PKN2: variants seen among roughly 807,000 people sequenced by gnomAD.
PKN2 encodes protein kinase N2.
A neutral mutation model predicts 119.1 loss-of-function variants in PKN2; 38 were observed. The ratio of observed to expected loss-of-function variants is 0.32; its 90% CI spans 0.25 to 0.42. The LOEUF is 0.42. PKN2 is among the 10% of genes least tolerant of loss of function. The pLI is 1.00. For missense variants in PKN2, 850 were observed against 1,165.1 expected, an observed-to-expected ratio of 0.73 and a Z score of 3.94; for synonymous variants, 390 against 384.9, an observed-to-expected ratio of 1.01 and a Z score of -0.15.
At chr1:88,820,273 G>A (rs1214892269) in intron 16 of PKN2, among the ~76,000 whole-genome samples, 9 of 137,468 alleles carry the variant, frequency 6.5e-5, no homozygotes, top group African/African-American at 2.6e-4. Flanking sequence ...CATGGCTCAT[G>A]CCTGTAATCC....
intron 6 of PKN2, among the ~76,000 whole-genome samples, chr1:88,784,366 A>T (rs919858499): frequency 2.0e-5 from 3 of 151,768 alleles, no homozygotes; most frequent in Non-Finnish European, 4.4e-5. Context: ...CAGGCAATCC[A>T]CCCAAAGTGC....
intron 15 of PKN2, 125 bp from the exon 16 acceptor site, chr1:88,813,432 C>A (rs1671858598): frequency 1.6e-6 from 1 of 623,274 alleles, no homozygotes; most frequent in Non-Finnish European, 2.7e-6. Context: ...AACTAAGACA[C>A]ATGTTAGGAT....
At chr1:88,736,216 CCT>C (rs776558404) in intron 1 of PKN2, among the ~76,000 whole-genome samples, 118 of 152,226 alleles carry the variant, frequency 7.8e-4, no homozygotes, top group Non-Finnish European at 5.6e-4. Flanking sequence ...GGATTCTTCC[CCT>C]GTGTTTTATT....
intron 8 of PKN2, among the ~76,000 whole-genome samples, chr1:88,796,604 T>C (rs1671079196): frequency 6.6e-6 from 1 of 152,224 alleles, no homozygotes; most frequent in Admixed American, 6.5e-5. Flanking sequence ...CTTTAATCTT[T>C]AGATATAGCT....
At chr1:88,797,206 C>T (rs1171909591) in intron 8 of PKN2, among the ~76,000 whole-genome samples, 2 of 151,950 alleles carry the variant, frequency 1.3e-5, no homozygotes, top group Middle Eastern at 3.4e-3. Context: ...TGGTGGCAAG[C>T]GCCTGTAATC....
At position 88,807,308 on chromosome 1, in the gene PKN2, T is replaced by C; in HGVS notation, c.1804-5T>C. 6.6e-7 allele frequency: 1 copy of C among 1,521,540 alleles called. No individual in the cohort carries two copies. The highest frequency in any genetic ancestry group is 8.9e-7 in the Non-Finnish European group (1 of 1,118,902). The allele number at this position is 1,521,540 out of a possible 1,614,324, so 94.3% of individuals were successfully genotyped here. On this transcript the variant is annotated splice_polypyrimidine_tract_variant and splice_region_variant and intron_variant, in intron 12 of 21. Transcript: ENST00000370521. ...ATGGATTCACGTGTATTTAATATTTTACAGGATTCAGAGACTGTTTTTGAT... is the reference window on the plus strand; with the variant it reads ...ATGGATTCACGTGTATTTAATATTTCACAGGATTCAGAGACTGTTTTTGAT...
chr1:88,829,006 C>G (rs1351607204), intron 19 of PKN2: 6 of 641,924 alleles, frequency 9.3e-6, no homozygotes, highest in East Asian at 6.3e-5. Context: ...TCGACTTCCT[C>G]CAGACTTCCG....
intron 15 of PKN2, 105 bp downstream of exon 15, chr1:88,807,880 G>A: frequency 3.0e-6 from 2 of 659,010 alleles, no homozygotes; most frequent in Non-Finnish European, 5.2e-6. Context: ...AGTAATATGT[G>A]AAGAAATTAA....
chr1:88,784,387 G>A (rs1670484164), intron 6 of PKN2, among the ~76,000 whole-genome samples: 1 of 151,914 alleles, frequency 6.6e-6, no homozygotes, highest in South Asian at 2.1e-4. Flanking sequence ...TAGGATTACA[G>A]GCGAGAGAGC....
At chr1:88,713,044 G>A (rs889306163) in intron 1 of PKN2, among the ~76,000 whole-genome samples, 11 of 152,024 alleles carry the variant, frequency 7.2e-5, no homozygotes, top group African/African-American at 2.2e-4. Flanking sequence ...CTGTCCTTGC[G>A]ATAGTTTGCT....
intron 1 of PKN2, among the ~76,000 whole-genome samples, chr1:88,721,714 T>C (rs1667688772): frequency 6.6e-6 from 1 of 152,216 alleles, no homozygotes; most frequent in Non-Finnish European, 1.5e-5. Flanking sequence ...TGTATTTTTC[T>C]AAAAAGTCTT....
intron 19 of PKN2, among the ~76,000 whole-genome samples, chr1:88,830,367 G>T (rs1672681549): frequency 6.6e-6 from 1 of 152,104 alleles, no homozygotes; most frequent in South Asian, 2.1e-4. Context: ...GTCCACAGTG[G>T]CTTTTACTTT....
chr1:88,738,577 G>A (rs1668448640), intron 1 of PKN2, among the ~76,000 whole-genome samples: 1 of 152,204 alleles, frequency 6.6e-6, no homozygotes, highest in Non-Finnish European at 1.5e-5. Flanking sequence ...TGGGAGTTGA[G>A]GTAGGCAGTA....
At chr1:88,804,731 TGAG>T in intron 9 of PKN2, 112 bp from the exon 10 acceptor site, 1 of 756,862 alleles carries the variant, frequency 1.3e-6, no homozygotes, top group African/African-American at 1.8e-5. Context: ...ATGTAGAAAA[TGAG>T]GGGCTGGACT....
At position 88,805,886 on chromosome 1, in the gene PKN2, A is replaced by G. The variant is rs140893522; in HGVS notation, c.1677-5A>G. On this transcript the variant is annotated splice_polypyrimidine_tract_variant and splice_region_variant and intron_variant, in intron 11 of 21. Transcript: ENST00000370521. ...GTTTTGGTGAGTTACTTTATCTTCT[A>G]TAAGTGATTCTACAGTAACCAAATT... 6.7e-4 allele frequency: 1,087 copies of G among 1,613,890 alleles called. 11 individuals are homozygous for G. The African/African-American group carries it at 0.013, about 19-fold the overall frequency.
chr1:88,743,186 T>C (rs1011657094), intron 2 of PKN2, among the ~76,000 whole-genome samples: 1 of 152,180 alleles, frequency 6.6e-6, no homozygotes, highest in Non-Finnish European at 1.5e-5. Flanking sequence ...AGCGATTCTG[T>C]CTCAAAAATA....
chr1:88,721,656 G>GTA (rs1667687522), intron 1 of PKN2, among the ~76,000 whole-genome samples: 1 of 152,114 alleles, frequency 6.6e-6, no homozygotes, highest in Admixed American at 6.5e-5. Flanking sequence ...AGGTATTATG[G>GTA]TAAGTTAATT....
chr1:88,812,988 AGTTT>A lies in PKN2; in HGVS notation c.2103-568_2103-565del, dbSNP rs556243664. Among the ~76,000 whole-genome samples the A allele has an allele frequency of 1.1e-3, 169 of 152,286 alleles. 1 individual carries two copies. Among genetic ancestry groups the A allele is most frequent in the African/African-American group, 3.9e-3 (162 of 41,562 alleles). On this transcript the variant is annotated intron_variant, in intron 15 of 21. Transcript: ENST00000370521. ...ACTGTTAACTTTTTAATCTTCTATG[AGTTT>A]ATTTATAATAGTGCCTTAATCTGTA...
intron 8 of PKN2, among the ~76,000 whole-genome samples, chr1:88,803,034 T>C (rs144906750): frequency 7.3e-4 from 111 of 152,328 alleles, no homozygotes; most frequent in African/African-American, 2.0e-3. Flanking sequence ...TAGAATATTA[T>C]AGCCTTAGTA....
Sources: allele counts gnomAD v4.1 joint callset (sites outside exome capture counted in the v4.1 genomes callset), GRCh38; gene constraint gnomAD v4.1.1; transcripts MANE v1.5; gene names NCBI Gene and HGNC (gene_info 2026-07-23, HGNC 2026-07-21).